Variants in ITGB5 observed in about 807,000 individuals in gnomAD.
ITGB5 encodes integrin subunit beta 5, also known as integrin beta-5.
Under a neutral mutation model 84.8 loss-of-function variants are expected in ITGB5, and 38 were observed. The ratio of observed to expected loss-of-function variants is 0.45; its 90% CI spans 0.35 to 0.59. ITGB5 has a LOEUF of 0.59. Ranked by LOEUF, ITGB5 falls within the 20% of genes least tolerant of loss-of-function variation. The pLI, the probability that ITGB5 is intolerant of heterozygous loss-of-function variation, is 0.01. For missense variants in ITGB5, 905 were observed against 1,034.5 expected (o/e 0.87, Z 1.72); for synonymous variants, 393 against 414.4 (o/e 0.95, Z 0.63).
intron 5 of ITGB5, among the ~76,000 whole-genome samples, chr3:124,822,802 A>C (rs560496645): frequency 1.3e-5 from 2 of 152,344 alleles, no homozygotes; most frequent in Non-Finnish European, 2.9e-5. Context: ...TCCAGACCTC[A>C]AAGAGCTTAT....
At chr3:124,888,805 C>T (rs912185201), upstream of ITGB5, among the ~76,000 whole-genome samples, 4 of 152,100 alleles carry the variant, frequency 2.6e-5, no homozygotes, top group Non-Finnish European at 5.9e-5. Context: ...CTTGGAGGGC[C>T]CAGTGGAAAA....
upstream of ITGB5, among the ~76,000 whole-genome samples, chr3:124,892,664 C>T (rs1050570383): frequency 2.1e-5 from 3 of 144,040 alleles, no homozygotes; most frequent in East Asian, 2.0e-4. Flanking sequence ...CATTGCACTC[C>T]AGCCTGGGTG....
intron 1 of ITGB5, among the ~76,000 whole-genome samples, chr3:124,896,798 T>A (rs891730421): frequency 6.7e-6 from 1 of 148,702 alleles, no homozygotes; most frequent in Non-Finnish European, 1.5e-5. Context: ...ACGTGGCTCA[T>A]GCCTGTTATC....
rs1010042767 is a variant in ITGB5 at position 124,763,430 on chromosome 3, C to G, written c.*193G>C. ...CGGAGGGACGCAGCCTGGCATGGCT[C>G]TGGCCTAGCAGCCAGGTGACATGGC... On this transcript the variant is annotated 3_prime_UTR_variant, in exon 15 of 15. Coordinates refer to ENST00000296181, the MANE Select transcript of ITGB5 (RefSeq NM_002213.5). 2 of 476,252 alleles carry G rather than the reference C, an allele frequency of 4.2e-6. No individual in the cohort carries two copies. Among genetic ancestry groups the G allele is most frequent in the African/African-American group, 2.0e-5 (1 of 50,878 alleles). 29.5% of individuals were successfully genotyped at this position (476,252 alleles called of 1,614,324 possible).
At chr3:124,790,548 T>G (rs71323899) in intron 10 of ITGB5, among the ~76,000 whole-genome samples, 1 of 151,090 alleles carries the variant, frequency 6.6e-6, no homozygotes, top group Non-Finnish European at 1.5e-5. Context: ...TTAACAGAAC[T>G]GCCTTTGACT....
At chr3:124,866,493 T>C (rs2065392242) in intron 2 of ITGB5, among the ~76,000 whole-genome samples, 1 of 152,166 alleles carries the variant, frequency 6.6e-6, no homozygotes, top group African/African-American at 2.4e-5. Flanking sequence ...AAAAGACAAA[T>C]TCTTGTTTGT....
rs1313124357 is a variant in ITGB5 at position 124,766,339 on chromosome 3, TCTTTCACTGGAAG to T, written c.2018-7_2023del. 1 of 1,614,012 alleles carries T rather than the reference TCTTTCACTGGAAG, an allele frequency of 6.2e-7. No individual in the cohort carries two copies. Among genetic ancestry groups the T allele is most frequent in the South Asian group, 1.1e-5 (1 of 91,046 alleles). On this transcript the variant is annotated splice_acceptor_variant and splice_polypyrimidine_tract_variant and coding_sequence_variant and intron_variant, in exon 13 of 15. Coordinates refer to ENST00000296181, the MANE Select transcript of ITGB5 (RefSeq NM_002213.5). LOFTEE classifies it high-confidence loss of function. ...GAAACATAGCACAGCCTCCTGGTCA[TCTTTCACTGGAAG>T]AAAACCAAGCGGGAATGGCCTGAGT...
At chr3:124,855,310 TACA>T (rs2065208326) in intron 3 of ITGB5, among the ~76,000 whole-genome samples, 1 of 152,074 alleles carries the variant, frequency 6.6e-6, no homozygotes, top group Non-Finnish European at 1.5e-5. Context: ...TGTCTCTCTC[TACA>T]TATATATAGA....
chr3:124,767,350 G>A (rs2063781791), intron 12 of ITGB5, among the ~76,000 whole-genome samples: 1 of 152,212 alleles, frequency 6.6e-6, no homozygotes, highest in Non-Finnish European at 1.5e-5. Context: ...GCTCCCTTCT[G>A]GGCTGGGTGA....
rs1020676841 is a variant in ITGB5 at position 124,837,257 on chromosome 3, T to C, written c.780+4126A>G. Among the ~76,000 whole-genome samples the C allele has an allele frequency of 1.6e-4, 25 of 152,214 alleles. 1 individual carries two copies. Among genetic ancestry groups the C allele is most frequent in the African/African-American group, 6.0e-4 (25 of 41,450 alleles). On this transcript the variant is annotated intron_variant, in intron 5 of 14. Transcript: ENST00000296181. ...GAGGAAAGCAGCCATATTTCCAGTC[T>C]GAACCACACATCACACTTCCGCCTG...
At position 124,848,656 on chromosome 3, in the gene ITGB5, T is replaced by C. The variant is rs927105037; in HGVS notation, c.362-98A>G. The C allele has an allele frequency of 2.3e-6, 3 of 1,330,192 alleles. No individual in the cohort carries two copies. The Admixed American group carries it at 6.5e-5, about 29-fold the overall frequency. 82.4% of individuals were successfully genotyped at this position (1,330,192 alleles called of 1,614,324 possible). On this transcript the variant is annotated intron_variant, in intron 3 of 14. Coordinates refer to ENST00000296181, the MANE Select transcript of ITGB5 (RefSeq NM_002213.5). ...TCAAAGCTAGTTTGCCTCTTACTTT[T>C]CTTTAGTGATTGTGTGCCTCACAGA...
At chr3:124,770,454 A>G (rs901693891) in intron 11 of ITGB5, among the ~76,000 whole-genome samples, 6 of 152,184 alleles carry the variant, frequency 3.9e-5, no homozygotes, top group Non-Finnish European at 8.8e-5. Context: ...GCAAAAATAC[A>G]GAGGGATGTG....
intron 9 of ITGB5, among the ~76,000 whole-genome samples, chr3:124,797,736 C>T (rs996223937): frequency 3.3e-5 from 5 of 152,124 alleles, no homozygotes; most frequent in African/African-American, 1.2e-4. Context: ...TCCTCACCCC[C>T]CTGAGGAGAG....
intron 1 of ITGB5, among the ~76,000 whole-genome samples, chr3:124,877,784 C>T (rs1254521784): frequency 6.6e-6 from 1 of 152,106 alleles, no homozygotes; most frequent in African/African-American, 2.4e-5. Context: ...AGATCTGTAA[C>T]AGCCCCTTTA....
intron 1 of ITGB5, among the ~76,000 whole-genome samples, chr3:124,886,616 G>A (rs1934821567): frequency 1.3e-5 from 2 of 152,078 alleles, no homozygotes; most frequent in Non-Finnish European, 2.9e-5. Flanking sequence ...CCCCAAGGCA[G>A]GGCTGGCGGC....
At chr3:124,817,190 C>T (rs967049248) in intron 8 of ITGB5, among the ~76,000 whole-genome samples, 1 of 152,206 alleles carries the variant, frequency 6.6e-6, no homozygotes, top group Non-Finnish European at 1.5e-5. Context: ...GCTCAGCATG[C>T]GAACTTTTCA....
intron 4 of ITGB5, among the ~76,000 whole-genome samples, chr3:124,842,868 C>T (rs371433946): frequency 6.6e-6 from 1 of 152,202 alleles, no homozygotes; most frequent in South Asian, 2.1e-4. Context: ...AGGGGCTATT[C>T]CATTCCCTCT....
intron 5 of ITGB5, among the ~76,000 whole-genome samples, chr3:124,840,848 T>C (rs1489117976): frequency 6.6e-6 from 1 of 151,986 alleles, no homozygotes; most frequent in Admixed American, 6.6e-5. Context: ...GTATTTTCAG[T>C]AGAGACAGGG....
chr3:124,846,776 A>C (rs1213008826), intron 4 of ITGB5, among the ~76,000 whole-genome samples: 1 of 152,138 alleles, frequency 6.6e-6, no homozygotes, highest in African/African-American at 2.4e-5. Context: ...TCTACTAAAA[A>C]TACAAAAATC....
Sources: allele counts gnomAD v4.1 joint callset (sites outside exome capture counted in the v4.1 genomes callset), GRCh38; gene constraint gnomAD v4.1.1; transcripts MANE v1.5; gene names NCBI Gene and HGNC (gene_info 2026-07-23, HGNC 2026-07-21).